Variants in SMAD2 observed in about 807,000 individuals in gnomAD.
The protein encoded by SMAD2 is MAD homolog 2.
SMAD2 carries 8 observed loss-of-function variants against 64.4 expected under a neutral mutation model. The observed-to-expected ratio is 0.12, with a 90% CI of 0.07 to 0.22. The LOEUF (loss-of-function observed/expected upper bound fraction) is 0.22, where lower values mean the gene tolerates loss of function less well. Among genes scored for constraint, SMAD2 ranks in the 10% least tolerant of loss-of-function variants. SMAD2 has a pLI of 1.00. For synonymous variants in SMAD2, 203 were observed against 195.8 expected, an observed-to-expected ratio of 1.04 and a Z score of -0.31; for missense variants, 289 against 561.2, an observed-to-expected ratio of 0.51 and a Z score of 4.90.
At chr18:47,927,964 T>C (rs2034834923) in intron 1 of SMAD2, among the ~76,000 whole-genome samples, 1 of 152,214 alleles carries the variant, frequency 6.6e-6, no homozygotes, top group African/African-American at 2.4e-5. Flanking sequence ...TGGTTGTGAA[T>C]TCCTTACGTT....
At chr18:47,878,768 G>C (rs903194251) in intron 2 of SMAD2, among the ~76,000 whole-genome samples, 1 of 152,136 alleles carries the variant, frequency 6.6e-6, no homozygotes, top group African/African-American at 2.4e-5. Context: ...CCTGAGTTCT[G>C]TATGATAAAA....
intron 8 of SMAD2, among the ~76,000 whole-genome samples, chr18:47,846,063 AAT>A (rs1430562627): frequency 5.9e-5 from 9 of 152,198 alleles, no homozygotes; most frequent in African/African-American, 2.2e-4. Context: ...CACATAGTAA[AAT>A]AGTTTCATAC....
chr18:47,928,183 T>C (rs1051558327), intron 1 of SMAD2, among the ~76,000 whole-genome samples: 9 of 152,190 alleles, frequency 5.9e-5, no homozygotes, highest in Non-Finnish European at 1.0e-4. Context: ...AGCTTTTATA[T>C]GCATTACAAA....
At chr18:47,889,678 G>T (rs1182127305) in intron 2 of SMAD2, among the ~76,000 whole-genome samples, 4 of 151,954 alleles carry the variant, frequency 2.6e-5, no homozygotes, top group Non-Finnish European at 5.9e-5. Context: ...GGCTGAGGCA[G>T]GAGAATGGCG....
At position 47,819,060 on chromosome 18, in the gene SMAD2, C is replaced by G. The variant is rs930886336; in HGVS notation, c.*22767G>C. 1 of 152,172 alleles carries G rather than the reference C, an allele frequency of 6.6e-6. No homozygotes were observed. Among genetic ancestry groups the G allele is most frequent in the Non-Finnish European group, 1.5e-5 (1 of 68,030 alleles). The allele number at this position is 152,172 out of a possible 1,614,324, so 9.4% of individuals were successfully genotyped here. ...TAAAATCTGGCAGTTGGCCACAAAT[C>G]CCTTAAGGAATTCTATTCATCAAAT... On this transcript the variant is annotated 3_prime_UTR_variant, in exon 11 of 11. Coordinates refer to ENST00000262160, the MANE Select transcript of SMAD2 (RefSeq NM_005901.6).
intron 1 of SMAD2, among the ~76,000 whole-genome samples, chr18:47,923,076 A>G (rs1225010896): frequency 1.3e-5 from 2 of 150,960 alleles, no homozygotes; most frequent in Non-Finnish European, 2.9e-5. Context: ...TTTAACTAAG[A>G]GTTATATTCC....
At chr18:47,908,330 A>G (rs1050121531) in intron 1 of SMAD2, among the ~76,000 whole-genome samples, 1 of 152,236 alleles carries the variant, frequency 6.6e-6, no homozygotes, top group Admixed American at 6.5e-5. Flanking sequence ...ACAGAGCTAT[A>G]TAATTGACCC....
chr18:47,900,493 T>TC (rs1380985907), intron 1 of SMAD2, among the ~76,000 whole-genome samples: 1 of 152,106 alleles, frequency 6.6e-6, no homozygotes, highest in African/African-American at 2.4e-5. Flanking sequence ...ATGTTCTCTC[T>TC]CCCCCTCCCC....
chr18:47,881,138 A>T (rs1291807476), intron 2 of SMAD2, among the ~76,000 whole-genome samples: 1 of 152,144 alleles, frequency 6.6e-6, no homozygotes, highest in Non-Finnish European at 1.5e-5. Flanking sequence ...CCTCTAAAAC[A>T]TGCCTATTTT....
At chr18:47,854,318 T>A (rs1393503904) in intron 6 of SMAD2, among the ~76,000 whole-genome samples, 2 of 152,236 alleles carry the variant, frequency 1.3e-5, no homozygotes, top group African/African-American at 4.8e-5. Context: ...TAGGATACAT[T>A]CGTCAAACCT....
chr18:47,833,042 A>G lies in SMAD2; in HGVS notation c.*8785T>C, dbSNP rs929634851. 5.6e-6 allele frequency: 1 copy of G among 178,852 alleles called. No homozygotes were observed. The highest frequency in any genetic ancestry group is 2.4e-5 in the African/African-American group (1 of 42,304). The allele number at this position is 178,852 out of a possible 1,614,324, so 11.1% of individuals were successfully genotyped here. A position where few individuals can be genotyped will look rare whatever the true frequency, so the allele number is the denominator to read the frequency against. On this transcript the variant is annotated 3_prime_UTR_variant, in exon 11 of 11. Transcript: ENST00000262160. ...TGAACACCAAAATGTAATCCCATAT[A>G]AAAAAAGATCAGTTTAAATAAAAAT...
At chr18:47,867,881 A>G (rs1366368591) in intron 5 of SMAD2, among the ~76,000 whole-genome samples, 1 of 152,188 alleles carries the variant, frequency 6.6e-6, no homozygotes, top group Admixed American at 6.5e-5. Flanking sequence ...TAAGTATTAT[A>G]TTTCTTATAG....
At position 47,820,224 on chromosome 18, in the gene SMAD2, C is replaced by T. The variant is rs1912523342; in HGVS notation, c.*21603G>A. 6.6e-6 allele frequency: 1 copy of T among 151,876 alleles called. No homozygotes were observed. Among genetic ancestry groups the T allele is most frequent in the Admixed American group, 6.6e-5 (1 of 15,238 alleles). 9.4% of individuals were successfully genotyped at this position (151,876 alleles called of 1,614,324 possible). On this transcript the variant is annotated 3_prime_UTR_variant, in exon 11 of 11. Transcript: ENST00000262160. ...ATTAATATACAAAGTTATAAGGAAA[C>T]ATGTTTCTAAAAATTATAATATGGT...
intron 1 of SMAD2, among the ~76,000 whole-genome samples, chr18:47,929,038 G>C (rs2034888217): frequency 6.6e-6 from 1 of 152,160 alleles, no homozygotes; most frequent in South Asian, 2.1e-4. Context: ...TTTGCTAAAT[G>C]ACCTTCTGGC....
At chr18:47,846,295 A>C (rs1914482713) in intron 8 of SMAD2, among the ~76,000 whole-genome samples, 1 of 152,180 alleles carries the variant, frequency 6.6e-6, no homozygotes, top group Non-Finnish European at 1.5e-5. Context: ...TTAGGTGAGA[A>C]AAAATTCTAC....
chr18:47,876,295 C>T (rs1397965300), intron 2 of SMAD2, among the ~76,000 whole-genome samples: 4 of 151,974 alleles, frequency 2.6e-5, no homozygotes, highest in Admixed American at 2.6e-4. Flanking sequence ...TCTGCCTGAA[C>T]AAATTTGATA....
rs753221483 is a variant in SMAD2 at position 47,847,556 on chromosome 18, T to C, written c.997+919A>G. Among the ~76,000 whole-genome samples the C allele has an allele frequency of 3.1e-4, 47 of 151,684 alleles. 1 individual carries two copies. The South Asian group carries it at 3.1e-3, about 10-fold the overall frequency. On this transcript the variant is annotated intron_variant, in intron 8 of 10. Coordinates refer to ENST00000262160, the MANE Select transcript of SMAD2 (RefSeq NM_005901.6). ...ACCATATTAGATATAAAAACTGAGATTTAAAAAATTCATTTAAAAATCAAA... is the reference window on the plus strand; with the variant it reads ...ACCATATTAGATATAAAAACTGAGACTTAAAAAATTCATTTAAAAATCAAA...
At position 47,840,043 on chromosome 18, in the gene SMAD2, A is replaced by G. The variant is rs1334185658; in HGVS notation, c.*1784T>C. 1 of 233,116 alleles carries G rather than the reference A, an allele frequency of 4.3e-6. No individual in the cohort carries two copies. Among genetic ancestry groups the G allele is most frequent in the East Asian group, 6.0e-5 (1 of 16,576 alleles). The allele number at this position is 233,116 out of a possible 1,614,324, so 14.4% of individuals were successfully genotyped here. On this transcript the variant is annotated 3_prime_UTR_variant, in exon 11 of 11. Coordinates refer to ENST00000262160, the MANE Select transcript of SMAD2 (RefSeq NM_005901.6). ...CTTGTTCACCTTTACCCAAAGACTA[A>G]GAAAAGTTCCTGGTACAAACAGGTG... is the stretch of plus-strand genomic sequence containing the variant.
chr18:47,874,414 A>G (rs1398200304), intron 2 of SMAD2, among the ~76,000 whole-genome samples: 3 of 152,208 alleles, frequency 2.0e-5, no homozygotes, highest in African/African-American at 4.8e-5. Flanking sequence ...AACCGCTAGG[A>G]AAGAGTATGA....
Sources: allele counts gnomAD v4.1 joint callset (sites outside exome capture counted in the v4.1 genomes callset), GRCh38; gene constraint gnomAD v4.1.1; transcripts MANE v1.5; gene names NCBI Gene and HGNC (gene_info 2026-07-23, HGNC 2026-07-21).